Variants in CDH5 observed in about 807,000 individuals in gnomAD.
CDH5 encodes cadherin 5.
In CDH5, 28 loss-of-function variants were observed where a neutral mutation model predicts 62.0. The ratio of observed to expected loss-of-function variants is 0.45; its 90% CI spans 0.33 to 0.62. CDH5 has a LOEUF of 0.62. Among genes scored for constraint, CDH5 ranks in the 20% least tolerant of loss-of-function variants. The pLI is 0.02. For synonymous variants in CDH5, 464 were observed against 445.8 expected, an observed-to-expected ratio of 1.04 and a Z score of -0.52; for missense variants, 940 against 1,065.1, an observed-to-expected ratio of 0.88 and a Z score of 1.63.
In CDH5 at chr16:66,392,225, G is replaced by A. The variant is rs142326347; in HGVS notation, c.1059G>A (p.Ala353=). 606 of 1,613,822 alleles carry A rather than the reference G, an allele frequency of 3.8e-4. 1 individual carries two copies. Among genetic ancestry groups the A allele is most frequent in the Non-Finnish European group, 4.9e-4 (582 of 1,180,000 alleles). ...ACCTCCGATACATGAGCCCTCCCGC[G>A]GGAAACAGAGCCCAGGTCATTATCA... ...TIDLRYMSPP[A]GNRAQVIINI... is the part of the protein sequence containing the mutation. Residue 353 remains alanine, a synonymous_variant, in exon 7 of 12, where the codon GCG becomes GCA. Transcript: ENST00000341529.
rs116413368 is a variant in CDH5, at chr16:66,382,589, G to A, written c.210+3042G>A. On this transcript the variant is annotated intron_variant, in intron 2 of 11. Transcript: ENST00000341529. The stretch of plus-strand genomic sequence containing the variant: ...CTATGGAGTGAGTCAGGGAAAGTCC[G>A]TAGAAAGTGGGGGCTACCTTTCAAG... Among the ~76,000 whole-genome samples the A allele has an allele frequency of 9.7e-3, 1,484 of 152,316 alleles. 23 individuals are homozygous for A. Among genetic ancestry groups the A allele is most frequent in the African/African-American group, 0.034 (1,398 of 41,554 alleles).
In CDH5 at chr16:66,380,951, G is replaced by A. The variant is rs1960887907; in HGVS notation, c.210+1404G>A. ...TTCAATTTCTCCCAGACCTTGGTCT[G>A]TAAACTAGATATCACTAACAGAAGG... is the stretch of plus-strand genomic sequence containing the variant. On this transcript the variant is annotated intron_variant, in intron 2 of 11. Transcript: ENST00000341529. 2.6e-5 allele frequency among the ~76,000 whole-genome samples: 4 copies of A among 152,062 alleles called. No individual in the cohort carries two copies. The South Asian group carries it at 6.2e-4, about 24-fold the overall frequency.
At chr16:66,397,062 C>A (rs1198475219) in intron 8 of CDH5, among the ~76,000 whole-genome samples, 1 of 152,212 alleles carries the variant, frequency 6.6e-6, no homozygotes, top group Non-Finnish European at 1.5e-5. Flanking sequence ...CCAATGCCAC[C>A]ATGCAGAGAC....
At chr16:66,372,490 G>A (rs1449455259) in intron 1 of CDH5, among the ~76,000 whole-genome samples, 2 of 152,206 alleles carry the variant, frequency 1.3e-5, no homozygotes, top group Non-Finnish European at 2.9e-5. Context: ...AACGTCCTGT[G>A]GGCCGGAGCT....
intron 2 of CDH5, among the ~76,000 whole-genome samples, chr16:66,384,399 A>G (rs915145340): frequency 1.3e-5 from 2 of 151,610 alleles, no homozygotes; most frequent in African/African-American, 4.8e-5. Flanking sequence ...CCCCGAGTCC[A>G]GCCTTTCTAA....
intron 1 of CDH5, chr16:66,377,141 G>A (rs1960801092): frequency 6.6e-6 from 1 of 152,220 alleles, no homozygotes; most frequent in African/African-American, 2.4e-5. Context: ...GTCCAGTGAG[G>A]CTGGGGCAGG....
intron 2 of CDH5, among the ~76,000 whole-genome samples, chr16:66,381,953 A>G (rs1960906521): frequency 6.6e-6 from 1 of 152,232 alleles, no homozygotes; most frequent in Admixed American, 6.5e-5. Context: ...GGGGCAGCAT[A>G]TGTCAGACAA....
chr16:66,390,454 GCT>G lies in CDH5; in HGVS notation c.838_839del (p.Leu280ValfsTer3). The G allele has an allele frequency of 6.2e-7, 1 of 1,614,084 alleles. No homozygotes were observed. The highest frequency in any genetic ancestry group is 1.3e-5 in the African/African-American group (1 of 75,006). ...GACACCCGTGTGGGCACCTCTGTGG[GCT>G]CTCTGTTTGTTGAGGACCCAGATGA... On this transcript the variant is annotated frameshift_variant, in exon 6 of 12. Transcript: ENST00000341529. LOFTEE classifies it high-confidence loss of function.
chr16:66,403,384 G>A lies in CDH5; in HGVS notation c.*215G>A. ...CAGTGATGACTATTCTCAAATGCTG[G>A]CAAATCCAGGCTGGTGTTCTGTCTG... On this transcript the variant is annotated 3_prime_UTR_variant, in exon 12 of 12. Transcript: ENST00000341529. The surrounding 1 kb of genome is among the most constrained non-coding windows in gnomAD (Gnocchi z 4.3). The A allele has an allele frequency of 8.6e-6, 5 of 578,274 alleles. No homozygotes were observed. The highest frequency in any genetic ancestry group is 1.5e-5 in the Non-Finnish European group (5 of 324,276). 35.8% of individuals were successfully genotyped at this position (578,274 alleles called of 1,614,324 possible).
rs1255474691 is a variant in CDH5 at position 66,387,085 on chromosome 16, T to C, written c.487T>C (p.Ser163Pro). ...GTTGTTCAATGCGTCCGTGCCTGAGTCGTCGGCTGTGGGTACGTTGCATGC... is the reference window on the plus strand; with the variant it reads ...GTTGTTCAATGCGTCCGTGCCTGAGCCGTCGGCTGTGGGTACGTTGCATGC... ...HRLFNASVPE[S>P]SAVGTSVISV... The change falls in exon 3 of 12, where the codon TCG (serine) becomes CCG (proline). Residue 163 changes from serine (S) to proline (P), a missense_variant. Physicochemically the swap from Ser to Pro is moderately conservative, Grantham distance 74. Coordinates refer to ENST00000341529, the MANE Select transcript of CDH5 (RefSeq NM_001795.5). 6.2e-7 allele frequency: 1 copy of C among 1,610,752 alleles called. No individual in the cohort carries two copies.
At chr16:66,390,359 A>G (rs1041031040) in intron 5 of CDH5, 44 bp from the exon 6 acceptor site, 5 of 1,487,402 alleles carry the variant, frequency 3.4e-6, no homozygotes, top group African/African-American at 2.8e-5. Context: ...CGCCTTGTCT[A>G]TCTCATTAAC....
At chr16:66,386,370 A>G (rs1196383977) in intron 2 of CDH5, among the ~76,000 whole-genome samples, 1 of 151,848 alleles carries the variant, frequency 6.6e-6, no homozygotes, top group African/African-American at 2.4e-5. Context: ...TAGCATACCC[A>G]TTACCCAAAT....
rs141080144 is a variant in CDH5 at position 66,400,841 on chromosome 16, C to T, written c.1662C>T (p.Pro554=). 2.9e-4 allele frequency: 469 copies of T among 1,614,208 alleles called. No individual in the cohort carries two copies. The highest frequency in any genetic ancestry group is 1.2e-3 in the African/African-American group (91 of 75,052). The part of the protein sequence containing the change: ...DREHTKVHFL[P]VVISDNGMPS... ...AGCATACCAAGGTCCACTTCCTACC[C>T]GTGGTCATCTCAGACAATGGGATGC... Residue 554 remains proline, a synonymous_variant, in exon 11 of 12, where the codon CCC becomes CCT. Transcript: ENST00000341529.
chr16:66,393,987 G>A (rs1961132214), intron 7 of CDH5, among the ~76,000 whole-genome samples: 1 of 152,026 alleles, frequency 6.6e-6, no homozygotes, highest in Admixed American at 6.5e-5. Flanking sequence ...TTTGATCCAA[G>A]GGTTTATTTA....
At position 66,387,041 on chromosome 16, in the gene CDH5, G is replaced by T; in HGVS notation, c.443G>T (p.Trp148Leu). 1 of 1,614,090 alleles carries T rather than the reference G, an allele frequency of 6.2e-7. No individual in the cohort carries two copies. Among genetic ancestry groups the T allele is most frequent in the Non-Finnish European group, 8.5e-7 (1 of 1,180,018 alleles). Reference sequence around the variant, plus strand: ...AAAGTTCATGACGTGAACGACAACTGGCCTGTGTTCACGCATCGGTTGTTC... The same window carrying T: ...AAAGTTCATGACGTGAACGACAACTTGCCTGTGTTCACGCATCGGTTGTTC... ...TIKVHDVNDN[W>L]PVFTHRLFNA... The change falls in exon 3 of 12, where the codon TGG (tryptophan) becomes TTG (leucine). Residue 148 changes from tryptophan to leucine, a missense_variant. Physicochemically the swap from Trp to Leu is moderately conservative, Grantham distance 61. Transcript: ENST00000341529.
At position 66,388,384 on chromosome 16, in the gene CDH5, C is replaced by G. The variant is rs199632464; in HGVS notation, c.560C>G (p.Ala187Gly). 4.3e-6 allele frequency: 7 copies of G among 1,614,082 alleles called. No individual in the cohort carries two copies. Among genetic ancestry groups the G allele is most frequent in the Non-Finnish European group, 5.9e-6 (7 of 1,179,900 alleles). The stretch of plus-strand genomic sequence containing the variant: ...GACGACCCCACTGTGGGAGACCACG[C>G]CTCTGTCATGTACCAAATCCTGAAG... ...DADDPTVGDH[A>G]SVMYQILKGK... Residue 187 changes from alanine to glycine, a missense_variant, in exon 4 of 12, where the codon GCC becomes GGC. Coordinates refer to ENST00000341529, the MANE Select transcript of CDH5 (RefSeq NM_001795.5).
intron 8 of CDH5, among the ~76,000 whole-genome samples, chr16:66,396,830 C>T (rs1449268421): frequency 1.3e-5 from 2 of 152,162 alleles, no homozygotes; most frequent in Non-Finnish European, 2.9e-5. Context: ...TCCCACTTTA[C>T]CCAGGAGCCC....
chr16:66,393,016 TCTATC>T (rs1961116022), intron 7 of CDH5: 1 of 152,416 alleles, frequency 6.6e-6, no homozygotes, highest in South Asian at 2.1e-4. Context: ...TATTTGCTCT[TCTATC>T]TTAACTAAAT....
chr16:66,379,241 C>T (rs776476401), intron 1 of CDH5, 78 bp from the exon 2 acceptor site: 7 of 1,048,874 alleles, frequency 6.7e-6, no homozygotes, highest in Non-Finnish European at 9.9e-6. Flanking sequence ...TCTAGCTGCT[C>T]TTATGTGAAA....
Sources: gnomAD v4.1 joint callset for allele counts (sites outside exome capture counted in the v4.1 genomes callset) on GRCh38, gnomAD v4.1.1 for gene constraint, Gnocchi (gnomAD v3.1) non-coding constraint, MANE v1.5 for transcripts, NCBI Gene and HGNC (gene_info 2026-07-23, HGNC 2026-07-21) for gene names.